The following FGF12 variants were observed in gnomAD, a reference collection of about 807,000 sequenced individuals.
FGF12 encodes the protein fibroblast growth factor 12B.
A neutral mutation model predicts 23.6 loss-of-function variants in FGF12; 14 were observed. The observed-to-expected ratio is 0.59, with a 90% CI of 0.39 to 0.93. The LOEUF (loss-of-function observed/expected upper bound fraction) is 0.93. Among genes scored for constraint, FGF12 ranks in the 40% least tolerant of loss-of-function variants. The probability of loss-of-function intolerance (pLI) is 0.00; values close to 1 mark genes in which losing one functional copy is unlikely to be tolerated. For missense variants in FGF12, 175 were observed against 217.8 expected, an observed-to-expected ratio of 0.80 and a Z score of 1.24; for synonymous variants, 62 against 77.3, an observed-to-expected ratio of 0.80 and a Z score of 1.04.
intron 2 of FGF12, among the ~76,000 whole-genome samples, chr3:192,435,805 T>C (rs1307221743): frequency 6.6e-6 from 1 of 152,222 alleles, no homozygotes; most frequent in Non-Finnish European, 1.5e-5. Flanking sequence ...GCTTCTGTCG[T>C]TTTCCCAGTG....
chr3:192,564,068 G>A (rs894405665), intron 2 of FGF12, among the ~76,000 whole-genome samples: 1 of 151,420 alleles, frequency 6.6e-6, no homozygotes, highest in African/African-American at 2.4e-5. Flanking sequence ...GTTTTTGTTT[G>A]TTTGTTTGTT....
rs1179880797 is a variant in FGF12, at chr3:192,408,456, G to A, written c.14-47918C>T. ...GATGTAAACTTCCCCAACCTCTGGC[G>A]GCCGGGGGGCGGGGCGGGGCGGTCC... On this transcript the variant is annotated intron_variant, in intron 2 of 5. Transcript: ENST00000445105. This position sits in a 1 kb window ranked among gnomAD's most constrained non-coding sequence, Gnocchi z 7.3. The A allele has an allele frequency of 7.3e-6, 10 of 1,369,898 alleles. No homozygotes were observed. The highest frequency in any genetic ancestry group is 5.7e-5 in the East Asian group (2 of 35,306). The allele number at this position is 1,369,898 out of a possible 1,614,324, so 84.9% of individuals were successfully genotyped here. A position where few individuals can be genotyped will look rare whatever the true frequency, so the allele number is the denominator to read the frequency against.
chr3:192,302,511 T>C (rs2049213), intron 4 of FGF12, among the ~76,000 whole-genome samples: 11,514 of 152,250 alleles, frequency 0.076, 582 homozygotes, highest in South Asian at 0.17. Context: ...ATTCACTAAA[T>C]GTCTAGATGT....
At chr3:192,284,115 T>C (rs1180988610) in intron 4 of FGF12, among the ~76,000 whole-genome samples, 5 of 152,050 alleles carry the variant, frequency 3.3e-5, no homozygotes, top group Non-Finnish European at 7.4e-5. Context: ...CACTTGCCAC[T>C]AATAATAAAA....
chr3:192,458,039 C>T (rs921169354), intron 2 of FGF12, among the ~76,000 whole-genome samples: 1 of 152,224 alleles, frequency 6.6e-6, no homozygotes, highest in Non-Finnish European at 1.5e-5. Context: ...TGGCAGCTTC[C>T]ATGTGGTGTT....
intron 2 of FGF12, among the ~76,000 whole-genome samples, chr3:192,370,573 A>AT (rs11373227): frequency 0.64 from 97,212 of 152,010 alleles, 33,828 homozygotes; most frequent in East Asian, 0.93. Context: ...TTTTTTTCAT[A>AT]GCCAATGGCT....
chr3:192,725,643 T>C (rs1433028565), intron 2 of FGF12, among the ~76,000 whole-genome samples: 1 of 152,158 alleles, frequency 6.6e-6, no homozygotes, highest in African/African-American at 2.4e-5. Context: ...AGTATACACA[T>C]TGGAGGCAAA....
intron 2 of FGF12, among the ~76,000 whole-genome samples, chr3:192,719,922 T>A (rs1718989107): frequency 6.6e-6 from 1 of 152,232 alleles, no homozygotes; most frequent in African/African-American, 2.4e-5. Context: ...TTGTTCAATC[T>A]GTTAGAGTGC....
intron 2 of FGF12, among the ~76,000 whole-genome samples, chr3:192,412,206 T>G (rs2692699): frequency 4.0e-4 from 61 of 152,056 alleles, no homozygotes; most frequent in Non-Finnish European, 6.8e-4. Flanking sequence ...ACCGCCACCC[T>G]GCGCCCCCTA....
Position 192,514,944 on chromosome 3 carries a change from C to A in FGF12, c.14-154406G>T. 1 of 886,596 alleles carries A rather than the reference C, an allele frequency of 1.1e-6. No homozygotes were observed. Among genetic ancestry groups the A allele is most frequent in the African/African-American group, 1.8e-5 (1 of 55,378 alleles). 54.9% of individuals were successfully genotyped at this position (886,596 alleles called of 1,614,324 possible). ...GGGGCGGGCCGGGACGCGGAAGTGC[C>A]GGTCCGCCGGGGGCAGCCCTCCGAG... On this transcript the variant is annotated intron_variant, in intron 2 of 5. Coordinates refer to ENST00000445105, the MANE Select transcript of FGF12 (RefSeq NM_004113.6). The surrounding 1 kb of genome is among the most constrained non-coding windows in gnomAD (Gnocchi z 4.9).
rs568457930 is a variant in FGF12, at chr3:192,244,888, C to T, written c.229-74232G>A. 10 of 152,284 alleles carry T rather than the reference C, an allele frequency of 6.6e-5. No homozygotes were observed. The South Asian group carries it at 2.1e-3, about 32-fold the overall frequency. 9.4% of individuals were successfully genotyped at this position (152,284 alleles called of 1,614,324 possible). ...AGAGCCCTTCGAGTCTGAGTTTCCT[C>T]TGGACCAAGTGGTTATCTTCTCTAT... On this transcript the variant is annotated intron_variant, in intron 4 of 5. Transcript: ENST00000445105.
intron 2 of FGF12, among the ~76,000 whole-genome samples, chr3:192,465,401 T>C (rs937198499): frequency 2.0e-5 from 3 of 152,090 alleles, no homozygotes; most frequent in Admixed American, 6.6e-5. Context: ...TAAAACCATA[T>C]TGATAAAAAT....
intron 2 of FGF12, among the ~76,000 whole-genome samples, chr3:192,633,908 A>T (rs1715487558): frequency 6.6e-6 from 1 of 152,056 alleles, no homozygotes; most frequent in South Asian, 2.1e-4. Context: ...AGGTGCCTGC[A>T]TCTCCTCCAC....
intron 2 of FGF12, among the ~76,000 whole-genome samples, chr3:192,656,310 CACACACACACAGAG>C (rs774524342): frequency 0.037 from 3,660 of 98,626 alleles, 56 homozygotes; most frequent in Middle Eastern, 0.13. Context: ...CACACACACA[CACACACACACAGAG>C]AGAGAATTAT....
rs560185185 is a variant in FGF12 at position 192,678,041 on chromosome 3, T to C, written c.13+49140A>G. Among the ~76,000 whole-genome samples, 5 of 152,346 alleles carry C rather than the reference T, an allele frequency of 3.3e-5. No homozygotes were observed. The East Asian group carries it at 7.7e-4, about 24-fold the overall frequency. On this transcript the variant is annotated intron_variant, in intron 2 of 5. Transcript: ENST00000445105. ...AAACATCATAAGAACAGTTATACAA[T>C]ATAGTCCTCACTTTTGGGTTTTCAA...
rs575296598 is a variant in FGF12 at position 192,457,143 on chromosome 3, C to A, written c.14-96605G>T. ...CTCCCACCATGATTCTGAGGCCTCC[C>A]CAGCCATGTAGAACTGTAAGTCCAA... On this transcript the variant is annotated intron_variant, in intron 2 of 5. Coordinates refer to ENST00000445105, the MANE Select transcript of FGF12 (RefSeq NM_004113.6). Among the ~76,000 whole-genome samples the A allele has an allele frequency of 1.2e-3, 183 of 152,290 alleles. 1 individual carries two copies. Among genetic ancestry groups the A allele is most frequent in the African/African-American group, 4.1e-3 (172 of 41,552 alleles).
chr3:192,566,547 A>AT (rs1322601702), intron 2 of FGF12, among the ~76,000 whole-genome samples: 2 of 152,194 alleles, frequency 1.3e-5, no homozygotes, highest in Non-Finnish European at 2.9e-5. Context: ...TAGAATTCAA[A>AT]TAACTGTATT....
intron 4 of FGF12, among the ~76,000 whole-genome samples, chr3:192,251,463 T>C (rs1271594624): frequency 6.6e-6 from 1 of 152,186 alleles, no homozygotes; most frequent in Non-Finnish European, 1.5e-5. Context: ...AGGTAGCCTA[T>C]GACTGTGCAA....
At chr3:192,549,396 G>C (rs1560147170) in intron 2 of FGF12, among the ~76,000 whole-genome samples, 2 of 152,052 alleles carry the variant, frequency 1.3e-5, no homozygotes, top group Non-Finnish European at 2.9e-5. Flanking sequence ...TAGAAAAGGG[G>C]CTCAAAATGA....
Sources: gnomAD v4.1 joint callset for allele counts (sites outside exome capture counted in the v4.1 genomes callset) on GRCh38, gnomAD v4.1.1 for gene constraint, Gnocchi (gnomAD v3.1) non-coding constraint, MANE v1.5 for transcripts, NCBI Gene and HGNC (gene_info 2026-07-23, HGNC 2026-07-21) for gene names.